Variants in DLG2 observed in about 807,000 individuals in gnomAD.
DLG2 encodes the protein discs large MAGUK scaffold protein 2.
A neutral mutation model predicts 132.5 loss-of-function variants in DLG2; 45 were observed. The ratio of observed to expected loss-of-function variants is 0.34; its 90% CI spans 0.27 to 0.44. The LOEUF is 0.44. Ranked by LOEUF, DLG2 falls within the 20% of genes least tolerant of loss-of-function variation. DLG2 has a pLI of 1.00. For missense variants in DLG2, 1,045 were observed against 1,196.9 expected, an observed-to-expected ratio of 0.87 and a Z score of 1.87; for synonymous variants, 424 against 419.6, an observed-to-expected ratio of 1.01 and a Z score of -0.13.
At chr11:84,376,859 T>C (rs1300491318) in intron 7 of DLG2, among the ~76,000 whole-genome samples, 1 of 151,834 alleles carries the variant, frequency 6.6e-6, no homozygotes, top group Non-Finnish European at 1.5e-5. Flanking sequence ...TGAGGAAAAT[T>C]TTTTCAGAAA....
At chr11:83,731,884 C>T (rs1240428106) in intron 18 of DLG2, among the ~76,000 whole-genome samples, 1 of 152,174 alleles carries the variant, frequency 6.6e-6, no homozygotes, top group Non-Finnish European at 1.5e-5. Context: ...AGCTATACCA[C>T]CAGAAAGGGT....
intron 7 of DLG2, among the ~76,000 whole-genome samples, chr11:84,519,932 G>A (rs1336530375): frequency 1.3e-5 from 2 of 152,126 alleles, no homozygotes; most frequent in Non-Finnish European, 2.9e-5. Flanking sequence ...TGTGGGTATA[G>A]TTTTTATCTA....
intron 10 of DLG2, among the ~76,000 whole-genome samples, chr11:84,060,105 G>C (rs1198582411): frequency 6.6e-6 from 1 of 152,044 alleles, no homozygotes; most frequent in Non-Finnish European, 1.5e-5. Flanking sequence ...CTGAGGTCAG[G>C]GGTTCGAGAC....
At chr11:83,472,625 A>C (rs1565362915) in intron 23 of DLG2, 102 bp downstream of exon 23, 2 of 996,298 alleles carry the variant, frequency 2.0e-6, no homozygotes, top group South Asian at 1.5e-5. Context: ...ACAGAGCATT[A>C]AGCCGAGTTT....
At chr11:84,360,952 T>C (rs569763682) in intron 7 of DLG2, among the ~76,000 whole-genome samples, 2 of 151,382 alleles carry the variant, frequency 1.3e-5, no homozygotes, top group South Asian at 4.2e-4. Flanking sequence ...ATGAAACATA[T>C]AAAGATAAAA....
At position 83,847,336 on chromosome 11, in the gene DLG2, G is replaced by A. The variant is rs557444504; in HGVS notation, c.1566-13566C>T. ...AAAAACTCTGCATATTCTTCTTGAA[G>A]GCAAAGTACACTTTATGAAAGATTT... On this transcript the variant is annotated intron_variant, in intron 16 of 27. Coordinates refer to ENST00000376104, the MANE Select transcript of DLG2 (RefSeq NM_001142699.3). Among the ~76,000 whole-genome samples, 98 of 152,216 alleles carry A rather than the reference G, an allele frequency of 6.4e-4. No individual in the cohort carries two copies. The South Asian group carries it at 0.014, about 22-fold the overall frequency.
chr11:84,975,973 T>C (rs986019210), intron 6 of DLG2, among the ~76,000 whole-genome samples: 1 of 152,204 alleles, frequency 6.6e-6, no homozygotes, highest in Non-Finnish European at 1.5e-5. Context: ...CCTCACTTTC[T>C]TGGCACCTTG....
chr11:83,460,760 T>C (rs770231301), intron 27 of DLG2, among the ~76,000 whole-genome samples: 1 of 152,212 alleles, frequency 6.6e-6, no homozygotes, highest in Non-Finnish European at 1.5e-5. Flanking sequence ...GAATATATTA[T>C]TGTATTGTAT....
intron 7 of DLG2, among the ~76,000 whole-genome samples, chr11:84,353,927 G>C (rs2098596536): frequency 1.3e-5 from 2 of 152,064 alleles, no homozygotes; most frequent in South Asian, 4.1e-4. Flanking sequence ...TGGTCAGATA[G>C]CTGATATAAG....
At chr11:83,617,244 G>C (rs1389287605) in intron 19 of DLG2, among the ~76,000 whole-genome samples, 3 of 152,154 alleles carry the variant, frequency 2.0e-5, no homozygotes, top group African/African-American at 4.8e-5. Flanking sequence ...ATCAGTTTGG[G>C]AGAAATGAAA....
chr11:84,097,738 G>A (rs776114490), intron 10 of DLG2, among the ~76,000 whole-genome samples: 1 of 152,006 alleles, frequency 6.6e-6, no homozygotes, highest in Non-Finnish European at 1.5e-5. Context: ...TATTGAGCCA[G>A]TTATACATAT....
intron 4 of DLG2, among the ~76,000 whole-genome samples, chr11:85,173,899 T>C (rs1049634683): frequency 5.3e-5 from 8 of 151,338 alleles, no homozygotes; most frequent in Non-Finnish European, 3.0e-5. Flanking sequence ...GGGTAAAGGG[T>C]TCAATTCAAC....
intron 6 of DLG2, among the ~76,000 whole-genome samples, chr11:84,568,219 C>A (rs570648002): frequency 6.6e-6 from 1 of 152,160 alleles, no homozygotes; most frequent in Admixed American, 6.6e-5. Flanking sequence ...AAACGCCAAC[C>A]AACCTCTGGC....
intron 17 of DLG2, among the ~76,000 whole-genome samples, chr11:83,827,025 T>C (rs968603874): frequency 6.6e-6 from 1 of 151,840 alleles, no homozygotes; most frequent in Non-Finnish European, 1.5e-5. Flanking sequence ...GCAGAGAACA[T>C]CAGTACTGAA....
intron 5 of DLG2, among the ~76,000 whole-genome samples, chr11:85,117,133 G>T (rs541083054): frequency 6.6e-6 from 1 of 152,034 alleles, no homozygotes. Context: ...TGGAGCCATT[G>T]TAACACCTGT....
intron 16 of DLG2, among the ~76,000 whole-genome samples, chr11:83,835,269 G>A (rs903413466): frequency 1.1e-4 from 17 of 152,040 alleles, no homozygotes; most frequent in Admixed American, 3.9e-4. Context: ...ATCTAATGAA[G>A]GTAGACCACT....
At chr11:85,347,851 TG>T (rs577350039) in intron 3 of DLG2, among the ~76,000 whole-genome samples, 5 of 144,516 alleles carry the variant, frequency 3.5e-5, no homozygotes, top group Non-Finnish European at 6.0e-5. Flanking sequence ...TCACCCAGGC[TG>T]GAGTGCAGAG....
chr11:85,355,390 A>G (rs2083614822), intron 3 of DLG2, among the ~76,000 whole-genome samples: 2 of 152,056 alleles, frequency 1.3e-5, no homozygotes, highest in South Asian at 4.1e-4. Flanking sequence ...CTTTTTTCCA[A>G]AAATACCTAT....
At chr11:84,804,859 G>C (rs933639060) in intron 6 of DLG2, among the ~76,000 whole-genome samples, 1 of 152,152 alleles carries the variant, frequency 6.6e-6, no homozygotes, top group East Asian at 1.9e-4. Context: ...GTATCAGAAG[G>C]AGCCTAGTAG....
Sources: gnomAD v4.1 joint callset for allele counts (sites outside exome capture counted in the v4.1 genomes callset) on GRCh38, gnomAD v4.1.1 for gene constraint, MANE v1.5 for transcripts, NCBI Gene and HGNC (gene_info 2026-07-23, HGNC 2026-07-21) for gene names.